The following CLNK variants were observed in gnomAD, a reference collection of about 807,000 sequenced individuals.
CLNK encodes the protein cytokine dependent hematopoietic cell linker.
Under a neutral mutation model 68.6 loss-of-function variants are expected in CLNK, and 74 were observed. That is an observed-to-expected ratio of 1.08 (90% confidence interval 0.89 to 1.31). The LOEUF is 1.31. Among genes scored for constraint, CLNK ranks in the 50% most tolerant of loss-of-function variants. The probability of loss-of-function intolerance (pLI) is 0.00; values close to 1 mark genes in which losing one functional copy is unlikely to be tolerated. For missense variants in CLNK, 553 were observed against 515.3 expected (o/e 1.07, Z -0.71); for synonymous variants, 198 against 172.2 (o/e 1.15, Z -1.17).
At chr4:10,714,417 C>T in the CLNK span, among the ~76,000 whole-genome samples, 1 of 152,126 alleles carries the variant, frequency 6.6e-6, no homozygotes, top group Non-Finnish European at 1.5e-5. Flanking sequence ...TAACTTTGAC[C>T]TGAGTTTTCC....
chr4:10,563,782 C>T (rs1171665263), intron 7 of CLNK, among the ~76,000 whole-genome samples: 2 of 152,114 alleles, frequency 1.3e-5, no homozygotes, highest in African/African-American at 2.4e-5. Flanking sequence ...TGACGTGCAC[C>T]TGTAATCCCA....
chr4:10,699,960 G>A, the CLNK span, among the ~76,000 whole-genome samples: 6 of 150,832 alleles, frequency 4.0e-5, no homozygotes, highest in Non-Finnish European at 5.9e-5. Flanking sequence ...TTAATCTGTG[G>A]TTGGTTGAAA....
chr4:10,708,869 A>G, the CLNK span, among the ~76,000 whole-genome samples: 7,494 of 152,300 alleles, frequency 0.049, 237 homozygotes, highest in Non-Finnish European at 0.066. Context: ...AGGGAAAAAG[A>G]TCAGGATTCA....
At chr4:10,498,664 A>G (rs913524696) in intron 18 of CLNK, among the ~76,000 whole-genome samples, 4 of 152,212 alleles carry the variant, frequency 2.6e-5, no homozygotes, top group Non-Finnish European at 5.9e-5. Flanking sequence ...CAGGAATAGT[A>G]ATGAAAATAT....
intron 3 of CLNK, among the ~76,000 whole-genome samples, chr4:10,586,807 T>C (rs1251016074): frequency 6.6e-6 from 1 of 152,206 alleles, no homozygotes; most frequent in Non-Finnish European, 1.5e-5. Flanking sequence ...CCATACCTTA[T>C]AACCAGTTTG....
chr4:10,535,068 G>A (rs528393423), intron 11 of CLNK, among the ~76,000 whole-genome samples: 1 of 152,208 alleles, frequency 6.6e-6, no homozygotes, highest in African/African-American at 2.4e-5. Context: ...GAGAAAACTG[G>A]CTGGCCGTGT....
At chr4:10,620,487 C>G (rs1018385418) in intron 2 of CLNK, among the ~76,000 whole-genome samples, 1 of 152,272 alleles carries the variant, frequency 6.6e-6, no homozygotes, top group African/African-American at 2.4e-5. Flanking sequence ...CCAAACTGTC[C>G]CATCCCCTTG....
rs571599098 is a variant in CLNK at position 10,667,872 on chromosome 4, T to A, written c.-3A>T. ...CACGGTACTTACTGCCTGTTCATAGTTCTTGGCACCTGGCGGGTAAGAGGG... is the reference window on the plus strand; with the variant it reads ...CACGGTACTTACTGCCTGTTCATAGATCTTGGCACCTGGCGGGTAAGAGGG... On this transcript the variant is annotated 5_prime_UTR_variant, in exon 2 of 19. Coordinates refer to ENST00000226951, the MANE Select transcript of CLNK (RefSeq NM_052964.4). 2.3e-6 allele frequency: 3 copies of A among 1,323,372 alleles called. No individual in the cohort carries two copies. Among genetic ancestry groups the A allele is most frequent in the Admixed American group, 4.9e-5 (2 of 40,904 alleles). The allele number at this position is 1,323,372 out of a possible 1,614,324, so 82.0% of individuals were successfully genotyped here.
rs1718974261 is a variant in CLNK, at chr4:10,540,587, G to A, written c.509C>T (p.Pro170Leu). 7 of 1,613,502 alleles carry A rather than the reference G, an allele frequency of 4.3e-6. No homozygotes were observed. The highest frequency in any genetic ancestry group is 1.7e-5 in the Admixed American group (1 of 59,974). ...LPPPRPLITL[P>L]KKYQPLPPEP... ...AGGGGGCAAGGGTTGGTACTTCTTC[G>A]GAAGTGTTATGAGAGGCCTGTGTGG... Residue 170 changes from proline (P) to leucine (L), a missense_variant, in exon 11 of 19, where the codon CCG becomes CTG. Coordinates refer to ENST00000226951, the MANE Select transcript of CLNK (RefSeq NM_052964.4).
intron 7 of CLNK, 35 bp downstream of exon 7, chr4:10,564,636 A>C (rs2108822534): frequency 7.1e-7 from 1 of 1,416,592 alleles, no homozygotes; most frequent in Non-Finnish European, 1.0e-6. Context: ...AGAGCCCTAC[A>C]CATGTTTGTG....
At chr4:10,656,297 A>C (rs1414372098) in intron 2 of CLNK, among the ~76,000 whole-genome samples, 1 of 148,016 alleles carries the variant, frequency 6.8e-6, no homozygotes, top group Non-Finnish European at 1.5e-5. Context: ...TAAATAATGC[A>C]TACAAATCAA....
At position 10,501,340 on chromosome 4, in the gene CLNK, A is replaced by C. The variant is rs1291956634; in HGVS notation, c.1056T>G (p.Tyr352Ter). The C allele has an allele frequency of 1.2e-6, 2 of 1,609,970 alleles. No individual in the cohort carries two copies. Among genetic ancestry groups the C allele is most frequent in the East Asian group, 4.5e-5 (2 of 44,762 alleles). Reference sequence around the variant, plus strand: ...TTTTTACATTGTAGACTTTGTTCTCATAAAACACAGCCAAAACATAGGGCT... The same window carrying C: ...TTTTTACATTGTAGACTTTGTTCTCCTAAAACACAGCCAAAACATAGGGCT... Reference protein sequence around the residue: ...KEEPYVLAVFYENKVYNVKIR... With the variant: ...KEEPYVLAVF The change falls in exon 18 of 19, where the codon TAT becomes TAG. Residue 352 changes from tyrosine to a stop codon, truncating the protein, a stop_gained. Coordinates refer to ENST00000226951, the MANE Select transcript of CLNK (RefSeq NM_052964.4). LOFTEE classifies it high-confidence loss of function.
At position 10,622,452 on chromosome 4, in the gene CLNK, A is replaced by G. The variant is rs114672779; in HGVS notation, c.12-24403T>C. ...TCATGACGGGATGTGACAGGCTACA[A>G]CAACTCATGGCTAACTGCAATAACA... is the stretch of plus-strand genomic sequence containing the variant. On this transcript the variant is annotated intron_variant, in intron 2 of 18. Transcript: ENST00000226951. Among the ~76,000 whole-genome samples the G allele has an allele frequency of 5.5e-3, 837 of 152,366 alleles. 10 individuals carry two copies. The highest frequency in any genetic ancestry group is 0.019 in the African/African-American group (798 of 41,588).
At chr4:10,687,624 C>T (rs903818225), upstream of CLNK, among the ~76,000 whole-genome samples, 1 of 152,140 alleles carries the variant, frequency 6.6e-6, no homozygotes, top group Admixed American at 6.6e-5. Context: ...GTGGGAAAAA[C>T]AGCATAGCTC....
At chr4:10,725,980 A>C in the CLNK span, among the ~76,000 whole-genome samples, 1 of 152,230 alleles carries the variant, frequency 6.6e-6, no homozygotes, top group African/African-American at 2.4e-5. Context: ...CACCAATAGA[A>C]ATATATTGTC....
chr4:10,665,188 C>T (rs961317838), intron 2 of CLNK, among the ~76,000 whole-genome samples: 11 of 152,190 alleles, frequency 7.2e-5, no homozygotes, highest in Admixed American at 1.3e-4. Flanking sequence ...CTACGCATTG[C>T]CAGCTTCAAA....
chr4:10,659,989 C>T (rs899168663), intron 2 of CLNK, among the ~76,000 whole-genome samples: 5 of 152,192 alleles, frequency 3.3e-5, no homozygotes, highest in Admixed American at 2.6e-4. Flanking sequence ...AAATTATAGA[C>T]ATGCAAATGA....
chr4:10,642,122 A>C (rs1723329468), intron 2 of CLNK, among the ~76,000 whole-genome samples: 1 of 152,224 alleles, frequency 6.6e-6, no homozygotes, highest in Admixed American at 6.5e-5. Flanking sequence ...GTGTAAGTCA[A>C]TTTCAATAAA....
chr4:10,560,221 C>T (rs968759728), intron 7 of CLNK, among the ~76,000 whole-genome samples: 1 of 152,186 alleles, frequency 6.6e-6, no homozygotes, highest in Non-Finnish European at 1.5e-5. Flanking sequence ...ATCTGGGTCA[C>T]TGCCTCCTCC....
Sources: allele counts gnomAD v4.1 joint callset (sites outside exome capture counted in the v4.1 genomes callset), GRCh38; gene constraint gnomAD v4.1.1; transcripts MANE v1.5; gene names NCBI Gene and HGNC (gene_info 2026-07-23, HGNC 2026-07-21).